The following DENND2B variants were observed in gnomAD, a reference collection of about 807,000 sequenced individuals.
DENND2B encodes the protein DENN domain-containing protein 2B.
DENND2B carries 32 observed loss-of-function variants against 116.0 expected under a neutral mutation model. The observed-to-expected ratio is 0.28, with a 90% CI of 0.21 to 0.37. The LOEUF is 0.37. Ranked by LOEUF, DENND2B falls within the 10% of genes least tolerant of loss-of-function variation. The probability of loss-of-function intolerance (pLI) is 1.00; values close to 1 mark genes in which losing one functional copy is unlikely to be tolerated. For synonymous variants in DENND2B, 588 were observed against 583.9 expected (o/e 1.01, Z -0.10); for missense variants, 1,276 against 1,477.7 (o/e 0.86, Z 2.24).
intron 9 of DENND2B, chr11:8,711,790 C>T (rs995782563): frequency 3.2e-5 from 9 of 284,656 alleles, no homozygotes; most frequent in African/African-American, 2.0e-4. Flanking sequence ...TCGCTTGAAC[C>T]CAGGAGGCGG....
At chr11:8,880,402 G>A (rs937644719) in intron 2 of DENND2B, among the ~76,000 whole-genome samples, 9 of 144,404 alleles carry the variant, frequency 6.2e-5, no homozygotes, top group South Asian at 2.2e-4. Flanking sequence ...ACTACCAAAT[G>A]TGATTTATTA....
chr11:8,714,125 C>A, intron 7 of DENND2B, 83 bp from the exon 8 acceptor site: 1 of 1,378,052 alleles, frequency 7.3e-7, no homozygotes, highest in Non-Finnish European at 1.0e-6. Flanking sequence ...GCTTTTCTCA[C>A]AGGGGATGGA....
rs185449880 is a variant in DENND2B, at chr11:8,778,346, C to T, written c.-25-27621G>A. Among the ~76,000 whole-genome samples, 73 of 152,280 alleles carry T rather than the reference C, an allele frequency of 4.8e-4. No individual in the cohort carries two copies. In the East Asian group the frequency reaches 8.9e-3, roughly 19 times the overall value. ...CCACCCCTTACACTACACCCATCTC[C>T]AAGGCTGAAGAGAAGACCTAGTGCA... is the stretch of plus-strand genomic sequence containing the variant. On this transcript the variant is annotated intron_variant, in intron 1 of 19. Transcript: ENST00000313726.
intron 1 of DENND2B, among the ~76,000 whole-genome samples, chr11:8,760,591 C>G (rs1034479505): frequency 6.6e-6 from 1 of 152,134 alleles, no homozygotes; most frequent in African/African-American, 2.4e-5. Flanking sequence ...GCACTCCAGC[C>G]TGGGTGACAG....
intron 1 of DENND2B, among the ~76,000 whole-genome samples, chr11:8,889,084 C>A (rs563743704): frequency 4.6e-5 from 7 of 152,132 alleles, no homozygotes; most frequent in African/African-American, 1.7e-4. Context: ...TGGGTATATA[C>A]CCAAAAAATT....
intron 2 of DENND2B, among the ~76,000 whole-genome samples, chr11:8,868,643 A>C (rs540703550): frequency 1.6e-4 from 25 of 152,352 alleles, no homozygotes; most frequent in African/African-American, 6.0e-4. Context: ...CAAGAGCAAC[A>C]ATACCTATGT....
intron 1 of DENND2B, among the ~76,000 whole-genome samples, chr11:8,803,771 C>T (rs1339444104): frequency 1.7e-4 from 26 of 152,290 alleles, no homozygotes; most frequent in Admixed American, 1.6e-3. Flanking sequence ...GATGAACTCA[C>T]CAGAGGTCCA....
At chr11:8,878,441 G>C (rs1472297160) in intron 2 of DENND2B, among the ~76,000 whole-genome samples, 1 of 151,452 alleles carries the variant, frequency 6.6e-6, no homozygotes, top group Non-Finnish European at 1.5e-5. Context: ...CCAGGCTGGA[G>C]TGCAATGGCG....
chr11:8,795,431 G>C, intron 1 of DENND2B, among the ~76,000 whole-genome samples: 1 of 152,068 alleles, frequency 6.6e-6, no homozygotes, highest in Non-Finnish European at 1.5e-5. Flanking sequence ...TTCCAAACTT[G>C]TTAAAAATGC....
At chr11:8,705,057 A>T (rs1357925664) in intron 13 of DENND2B, among the ~76,000 whole-genome samples, 1 of 152,014 alleles carries the variant, frequency 6.6e-6, no homozygotes, top group African/African-American at 2.4e-5. Context: ...TCCAAAATCT[A>T]CTAAGCCACT....
chr11:8,747,740 G>A (rs1437651999), intron 2 of DENND2B, among the ~76,000 whole-genome samples: 1 of 152,186 alleles, frequency 6.6e-6, no homozygotes, highest in Non-Finnish European at 1.5e-5. Flanking sequence ...TGCTCCAGGA[G>A]ACCAAGATAC....
chr11:8,878,299 A>AT (rs756747698), intron 2 of DENND2B, among the ~76,000 whole-genome samples: 2 of 152,218 alleles, frequency 1.3e-5, no homozygotes, highest in Non-Finnish European at 2.9e-5. Context: ...ACTGAAAACA[A>AT]TTGTTCAACT....
intron 2 of DENND2B, among the ~76,000 whole-genome samples, chr11:8,736,139 T>A (rs1005159412): frequency 1.3e-5 from 2 of 152,170 alleles, no homozygotes; most frequent in African/African-American, 4.8e-5. Context: ...GGAAGCCACC[T>A]ATCACCAAGA....
chr11:8,754,029 G>GCGCGCACACACACA (rs146486674), intron 1 of DENND2B, among the ~76,000 whole-genome samples: 5,815 of 138,732 alleles, frequency 0.042, 181 homozygotes, highest in South Asian at 0.083. Flanking sequence ...CCAAAAGCGC[G>GCGCGCACACACACA]CACACACACA....
chr11:8,901,710 G>C (rs181133317), intron 1 of DENND2B, among the ~76,000 whole-genome samples: 2 of 152,158 alleles, frequency 1.3e-5, no homozygotes, highest in Admixed American at 1.3e-4. Flanking sequence ...TTGTGATTTA[G>C]TCTATGACCC....
intron 4 of DENND2B, among the ~76,000 whole-genome samples, chr11:8,724,092 G>C (rs143945209): frequency 6.6e-6 from 1 of 152,200 alleles, no homozygotes; most frequent in African/African-American, 2.4e-5. Context: ...CCAGGAGATC[G>C]AGACCATCCT....
At chr11:8,719,340 G>A (rs1000488565) in intron 4 of DENND2B, among the ~76,000 whole-genome samples, 16 of 152,308 alleles carry the variant, frequency 1.1e-4, no homozygotes, top group African/African-American at 3.8e-4. Context: ...GTGTGGGTGT[G>A]AAGGAGGGAT....
intron 10 of DENND2B, 75 bp downstream of exon 10, chr11:8,711,047 C>A (rs890266824): frequency 2.5e-5 from 39 of 1,567,184 alleles, no homozygotes; most frequent in Middle Eastern, 3.3e-4. Flanking sequence ...CTAGAGCAGG[C>A]CCCACTCAGG....
chr11:8,798,593 A>G (rs1488880007), intron 1 of DENND2B, among the ~76,000 whole-genome samples: 1 of 152,136 alleles, frequency 6.6e-6, no homozygotes, highest in African/African-American at 2.4e-5. Flanking sequence ...AAGGCCATGT[A>G]GACATCTGGC....
Sources: gnomAD v4.1 joint callset for allele counts (sites outside exome capture counted in the v4.1 genomes callset) on GRCh38, gnomAD v4.1.1 for gene constraint, MANE v1.5 for transcripts, NCBI Gene and HGNC (gene_info 2026-07-23, HGNC 2026-07-21) for gene names.